Variants in HSPH1 observed in about 807,000 individuals in gnomAD.
HSPH1 encodes heat shock protein family H (Hsp110) member 1.
A neutral mutation model predicts 100.0 loss-of-function variants in HSPH1; 40 were observed. The ratio of observed to expected loss-of-function variants is 0.40; its 90% CI spans 0.31 to 0.52. The LOEUF (loss-of-function observed/expected upper bound fraction) is 0.52, where lower values mean the gene tolerates loss of function less well. Among genes scored for constraint, HSPH1 ranks in the 20% least tolerant of loss-of-function variants. The pLI is 0.54. For missense variants in HSPH1, 876 were observed against 1,015.1 expected, an observed-to-expected ratio of 0.86 and a Z score of 1.86; for synonymous variants, 403 against 344.0, an observed-to-expected ratio of 1.17 and a Z score of -1.90.
intron 8 of HSPH1, among the ~76,000 whole-genome samples, chr13:31,148,871 C>A (rs1316104499): frequency 6.6e-6 from 1 of 151,960 alleles, no homozygotes; most frequent in Non-Finnish European, 1.5e-5. Context: ...GTCTGAGAAA[C>A]CCCCCAAAGG....
chr13:31,160,826 AT>A (rs1938592703), intron 1 of HSPH1, among the ~76,000 whole-genome samples: 1 of 152,230 alleles, frequency 6.6e-6, no homozygotes, highest in Non-Finnish European at 1.5e-5. Context: ...GATCCCGGGC[AT>A]TAAGGCCAAC....
rs1339806875 is a variant in HSPH1 at position 31,135,241 on chromosome 13, G to A, written c.*2077C>T. ...TGACTGATGCTCCCTCCCGTCATCAGGTTCTATTTTAGGACAGGAGGAAAA... is the reference window on the plus strand; with the variant it reads ...TGACTGATGCTCCCTCCCGTCATCAAGTTCTATTTTAGGACAGGAGGAAAA... On this transcript the variant is annotated 3_prime_UTR_variant, in exon 18 of 18. Coordinates refer to ENST00000320027, the MANE Select transcript of HSPH1 (RefSeq NM_006644.4). 3.3e-5 allele frequency: 5 copies of A among 152,148 alleles called. No individual in the cohort carries two copies. The highest frequency in any genetic ancestry group is 1.2e-4 in the African/African-American group (5 of 41,408). The allele number at this position is 152,148 out of a possible 1,614,324, so 9.4% of individuals were successfully genotyped here.
upstream of HSPH1, chr13:31,162,080 G>A: frequency 1.3e-6 from 2 of 1,536,138 alleles, no homozygotes; most frequent in Non-Finnish European, 1.7e-6. Flanking sequence ...CCCGGAGAAC[G>A]GCCGCCGTTG....
intron 8 of HSPH1, 124 bp downstream of exon 8, chr13:31,149,830 G>C (rs144493118): frequency 1.4e-6 from 1 of 723,624 alleles, no homozygotes; most frequent in Non-Finnish European, 2.4e-6. Context: ...CAGCTTTACG[G>C]GTTTGTTTAA....
upstream of HSPH1, chr13:31,162,307 A>T: frequency 1.7e-6 from 1 of 591,396 alleles, no homozygotes; most frequent in Non-Finnish European, 3.0e-6. Flanking sequence ...TTTTGCAGAG[A>T]CCCCAGACAC....
intron 1 of HSPH1, among the ~76,000 whole-genome samples, chr13:31,160,307 C>T (rs910858057): frequency 3.9e-5 from 6 of 152,204 alleles, no homozygotes; most frequent in African/African-American, 1.2e-4. Flanking sequence ...GGTAGACGTA[C>T]AGGTTGCTCA....
At chr13:31,140,129 A>G in intron 14 of HSPH1, 55 bp downstream of exon 14, 1 of 1,479,838 alleles carries the variant, frequency 6.8e-7, no homozygotes, top group East Asian at 2.3e-5. Context: ...GTCAATTTTG[A>G]TATTAAACAC....
Position 31,137,448 on chromosome 13 carries a change from G to A in HSPH1, c.2447C>T (p.Pro816Leu). ...CTTTTTATCAATATTTGGGCCATTT[G>A]GAGTTCTTTCCAGTTTGGGTGATTC... ...KIESPKLERT[P>L]NGPNIDKKEE... The change falls in exon 18 of 18, where the codon CCA (proline) becomes CTA (leucine). Residue 816 changes from proline to leucine, a missense_variant. Pro to Leu is a moderately conservative substitution (Grantham distance 98). Coordinates refer to ENST00000320027, the MANE Select transcript of HSPH1 (RefSeq NM_006644.4). 1 of 1,613,540 alleles carries A rather than the reference G, an allele frequency of 6.2e-7. No individual in the cohort carries two copies.
In HSPH1 at chr13:31,138,904, A is replaced by G; in HGVS notation, c.2089-4T>C. 3 of 1,600,018 alleles carry G rather than the reference A, an allele frequency of 1.9e-6. No individual in the cohort carries two copies. Among genetic ancestry groups the G allele is most frequent in the Non-Finnish European group, 2.6e-6 (3 of 1,172,832 alleles). On this transcript the variant is annotated splice_region_variant and splice_polypyrimidine_tract_variant and intron_variant, in intron 15 of 17. Coordinates refer to ENST00000320027, the MANE Select transcript of HSPH1 (RefSeq NM_006644.4). The stretch of plus-strand genomic sequence containing the variant: ...CTTTAACTGGAGTGCCAATTTTCTA[A>G]AATAAAATGTAATAAATTAATAGTT...
chr13:31,160,659 G>A (rs903779818), intron 1 of HSPH1, among the ~76,000 whole-genome samples: 1 of 152,126 alleles, frequency 6.6e-6, no homozygotes, highest in African/African-American at 2.4e-5. Context: ...ATTTAGTTCA[G>A]TGACGACATC....
intron 3 of HSPH1, 87 bp from the exon 4 acceptor site, chr13:31,154,842 C>A: frequency 9.1e-7 from 1 of 1,102,186 alleles, no homozygotes; most frequent in Non-Finnish European, 1.3e-6. Flanking sequence ...GCACACATTC[C>A]CTTCCACAAA....
intron 17 of HSPH1, 84 bp from the exon 18 acceptor site, chr13:31,137,608 T>G (rs1272402831): frequency 1.1e-6 from 1 of 945,524 alleles, no homozygotes; most frequent in Non-Finnish European, 1.6e-6. Flanking sequence ...CTCAACCCAC[T>G]ATTTTTCTAC....
chr13:31,151,169 G>A lies in HSPH1; in HGVS notation c.686C>T (p.Pro229Leu). 1.2e-6 allele frequency: 2 copies of A among 1,612,008 alleles called. No individual in the cohort carries two copies. The highest frequency in any genetic ancestry group is 1.1e-5 in the South Asian group (1 of 90,854). Reference sequence around the variant, plus strand: ...ATCGAAGTTTTTTCCTCCTAAGAAAGGATCAAAAGCTGTTCCCAGTACCTA... The same window carrying A: ...ATCGAAGTTTTTTCCTCCTAAGAAAAGATCAAAAGCTGTTCCCAGTACCTA... ...KLKVLGTAFD[P>L]FLGGKNFDEK... The change falls in exon 7 of 18, where the codon CCT (proline) becomes CTT (leucine). Residue 229 changes from proline (P) to leucine (L), a missense_variant. By Grantham distance (98) the Pro-to-Leu change is moderately conservative (BLOSUM62 -3). Coordinates refer to ENST00000320027, the MANE Select transcript of HSPH1 (RefSeq NM_006644.4).
chr13:31,154,232 T>C, intron 4 of HSPH1: 1 of 206,948 alleles, frequency 4.8e-6, no homozygotes, highest in South Asian at 7.5e-5. Context: ...AAAATTTAGG[T>C]TTTGTCACTA....
At chr13:31,148,539 T>C in intron 8 of HSPH1, 59 bp from the exon 9 acceptor site, 1 of 357,450 alleles carries the variant, frequency 2.8e-6, no homozygotes, top group Admixed American at 4.9e-5. Context: ...TCTTTTAATA[T>C]AAAACTCAAT....
rs768794383 is a variant in HSPH1 at position 31,151,664 on chromosome 13, A to G, written c.608T>C (p.Met203Thr). 12 of 1,613,098 alleles carry G rather than the reference A, an allele frequency of 7.4e-6. No homozygotes were observed. Among genetic ancestry groups the G allele is most frequent in the Admixed American group, 1.7e-5 (1 of 59,854 alleles). ...AGACACTTGAAAAGCTGAATGTCCC[A>G]TATCAACAAAAACCACTATCCGAGG... is the stretch of plus-strand genomic sequence containing the variant. ...EKPRIVVFVD[M>T]GHSAFQVSAC... The change falls in exon 6 of 18, where the codon ATG becomes ACG. Residue 203 changes from methionine (M) to threonine (T), a missense_variant. Physicochemically the swap from Met to Thr is moderately conservative, Grantham distance 81. Coordinates refer to ENST00000320027, the MANE Select transcript of HSPH1 (RefSeq NM_006644.4).
At chr13:31,156,411 T>G (rs1593211677) in intron 2 of HSPH1, among the ~76,000 whole-genome samples, 1 of 151,472 alleles carries the variant, frequency 6.6e-6, no homozygotes, top group East Asian at 1.9e-4. Context: ...AAAAGTTAAT[T>G]TTTATAGCTG....
rs1361205238 is a variant in HSPH1 at position 31,155,591 on chromosome 13, C to T, written c.229G>A (p.Asp77Asn). 1.2e-6 allele frequency: 2 copies of T among 1,610,434 alleles called. No homozygotes were observed. The highest frequency in any genetic ancestry group is 1.3e-5 in the African/African-American group (1 of 74,978). ...TCCTTCTCCTTTTGAATGAAGGGGT[C>T]ATTGAATGCTCGGCCATGAAATCTT... is the stretch of plus-strand genomic sequence containing the variant. ...FKRFHGRAFN[D>N]PFIQKEKENL... is the part of the protein sequence containing the mutation. The change falls in exon 3 of 18, where the codon GAC (aspartate) becomes AAC (asparagine). Residue 77 changes from aspartate (D) to asparagine (N), a missense_variant. Transcript: ENST00000320027.
chr13:31,147,260 A>G (rs898258591), intron 10 of HSPH1, among the ~76,000 whole-genome samples: 1 of 152,200 alleles, frequency 6.6e-6, no homozygotes, highest in Non-Finnish European at 1.5e-5. Flanking sequence ...AACTGTTTTT[A>G]ACAATACACC....
Sources: allele counts gnomAD v4.1 joint callset (sites outside exome capture counted in the v4.1 genomes callset), GRCh38; gene constraint gnomAD v4.1.1; transcripts MANE v1.5; gene names NCBI Gene and HGNC (gene_info 2026-07-23, HGNC 2026-07-21).